Variants in MDGA2 observed in about 807,000 individuals in gnomAD.
MDGA2 encodes the protein MAM domain containing glycosylphosphatidylinositol anchor 2, also known as MAM domain-containing glycosylphosphatidylinositol anchor protein 2.
A neutral mutation model predicts 117.8 loss-of-function variants in MDGA2; 40 were observed. That is an observed-to-expected ratio of 0.34 (90% CI 0.26 to 0.44). The LOEUF is 0.44. Ranked by LOEUF, MDGA2 falls within the 20% of genes least tolerant of loss-of-function variation. MDGA2 has a pLI of 1.00. For missense variants in MDGA2, 1,123 were observed against 1,250.6 expected (o/e 0.90, Z 1.54); for synonymous variants, 452 against 439.0 (o/e 1.03, Z -0.37).
chr14:47,097,640 C>G (rs546080577), intron 5 of MDGA2, among the ~76,000 whole-genome samples: 8 of 151,932 alleles, frequency 5.3e-5, no homozygotes, highest in African/African-American at 1.5e-4. Context: ...ATTCAGTGAG[C>G]CTGATTTTTG....
Position 47,563,577 on chromosome 14 carries a change from TG to T in MDGA2, c.280+110939del, listed in dbSNP as rs1445998490. 4.2e-3 allele frequency among the ~76,000 whole-genome samples: 280 copies of T among 66,252 alleles called. 4 individuals are homozygous for T. Among genetic ancestry groups the T allele is most frequent in the Non-Finnish European group, 6.1e-3 (186 of 30,636 alleles). 43.5% of individuals were successfully genotyped at this position (66,252 alleles called of 152,430 possible). ...TAGAATAGCAACCCCTGCTTTTTTC[TG>T]TTTTTTTTTTTTTTTTTTTTTTTTT... On this transcript the variant is annotated intron_variant, in intron 1 of 16. Transcript: ENST00000399232.
rs1422734143 is a variant in MDGA2 at position 47,282,706 on chromosome 14, AAC to A, written c.420+18703_420+18704del. Among the ~76,000 whole-genome samples the A allele has an allele frequency of 8.6e-4, 128 of 149,052 alleles. 2 individuals are homozygous for A. The highest frequency in any genetic ancestry group is 2.9e-3 in the African/African-American group (118 of 41,132). On this transcript the variant is annotated intron_variant, in intron 2 of 16. Transcript: ENST00000399232. ...AGCAAGAATGTGTCTCAAAAAAAAA[AAC>A]AAAAAACAAAAAACAAAAAACAGGT... is the stretch of plus-strand genomic sequence containing the variant.
At chr14:47,251,951 A>ATTATTG (rs1887461878) in intron 2 of MDGA2, among the ~76,000 whole-genome samples, 1 of 151,774 alleles carries the variant, frequency 6.6e-6, no homozygotes, top group Non-Finnish European at 1.5e-5. Context: ...TATTATTATT[A>ATTATTG]TTATTGGTGG....
intron 3 of MDGA2, among the ~76,000 whole-genome samples, chr14:47,217,225 A>C (rs1342472169): frequency 6.6e-6 from 1 of 152,108 alleles, no homozygotes; most frequent in Admixed American, 6.6e-5. Context: ...CTTATGTCTA[A>C]ATTACTTTAA....
chr14:47,036,350 G>T (rs1008717854), intron 7 of MDGA2, among the ~76,000 whole-genome samples: 12 of 151,106 alleles, frequency 7.9e-5, no homozygotes, highest in African/African-American at 2.9e-4. Context: ...ATATTTATGA[G>T]AAGTTAGATT....
At chr14:46,902,415 A>G (rs1482607100) in intron 10 of MDGA2, among the ~76,000 whole-genome samples, 1 of 152,144 alleles carries the variant, frequency 6.6e-6, no homozygotes, top group Non-Finnish European at 1.5e-5. Context: ...AATTATATAC[A>G]GTAGGTACTT....
At chr14:46,995,100 G>T (rs908952914) in intron 8 of MDGA2, among the ~76,000 whole-genome samples, 10 of 152,154 alleles carry the variant, frequency 6.6e-5, no homozygotes, top group Non-Finnish European at 1.3e-4. Context: ...TCTCTGATCA[G>T]AGATGGCGAT....
rs762826564 is a variant in MDGA2 at position 46,840,934 on chromosome 14, G to A, written c.*997C>T. ...TAGGAGGTTAAACAACAAATATCTTGTCTGCATGGGCTTACGCAGCAGCTT... is the reference window on the plus strand; with the variant it reads ...TAGGAGGTTAAACAACAAATATCTTATCTGCATGGGCTTACGCAGCAGCTT... On this transcript the variant is annotated 3_prime_UTR_variant, in exon 17 of 17. Coordinates refer to ENST00000399232, the MANE Select transcript of MDGA2 (RefSeq NM_001113498.3). 6 of 152,554 alleles carry A rather than the reference G, an allele frequency of 3.9e-5. No homozygotes were observed. The highest frequency in any genetic ancestry group is 8.8e-5 in the Non-Finnish European group (6 of 68,020). 9.5% of individuals were successfully genotyped at this position (152,554 alleles called of 1,614,324 possible). A position where few individuals can be genotyped will look rare whatever the true frequency, so the allele number is the denominator to read the frequency against.
intron 1 of MDGA2, among the ~76,000 whole-genome samples, chr14:47,644,075 A>G (rs1454876685): frequency 6.6e-6 from 1 of 152,170 alleles, no homozygotes; most frequent in East Asian, 1.9e-4. Flanking sequence ...AGATATATAA[A>G]GATATGTTTT....
chr14:47,396,099 A>G (rs777833657), intron 1 of MDGA2, among the ~76,000 whole-genome samples: 9 of 152,182 alleles, frequency 5.9e-5, no homozygotes, highest in Non-Finnish European at 1.0e-4. Context: ...GCACAAATCA[A>G]TTTTCAATAA....
chr14:47,399,102 G>C (rs1892077533), intron 1 of MDGA2, among the ~76,000 whole-genome samples: 1 of 152,050 alleles, frequency 6.6e-6, no homozygotes, highest in Non-Finnish European at 1.5e-5. Context: ...AGAAAACCAG[G>C]TTTTTGGTAA....
intron 1 of MDGA2, among the ~76,000 whole-genome samples, chr14:47,386,122 A>G (rs1891751528): frequency 6.6e-6 from 1 of 152,064 alleles, no homozygotes; most frequent in African/African-American, 2.4e-5. Flanking sequence ...TCTCTACTAG[A>G]AATACAAAAA....
chr14:47,628,224 T>C (rs897450240), intron 1 of MDGA2, among the ~76,000 whole-genome samples: 58 of 152,240 alleles, frequency 3.8e-4, no homozygotes, highest in African/African-American at 1.3e-3. Flanking sequence ...CATCCATTTT[T>C]ATGCAAATTG....
rs1317504187 is a variant in MDGA2, at chr14:47,227,217, CAG to C, written c.421-9024_421-9023del. Among the ~76,000 whole-genome samples, 90 of 152,198 alleles carry C rather than the reference CAG, an allele frequency of 5.9e-4. 1 individual carries two copies. The highest frequency in any genetic ancestry group is 3.9e-4 in the East Asian group (2 of 5,162). On this transcript the variant is annotated intron_variant, in intron 2 of 16. Coordinates refer to ENST00000399232, the MANE Select transcript of MDGA2 (RefSeq NM_001113498.3). ...CTCATGAAATAAGGTACTAGGGATT[CAG>C]AGTTACTTGCACTCAGAGGGAAAGC...
At chr14:47,379,284 T>G (rs1051128768) in intron 1 of MDGA2, among the ~76,000 whole-genome samples, 2 of 152,126 alleles carry the variant, frequency 1.3e-5, no homozygotes, top group African/African-American at 4.8e-5. Context: ...AGACCATCGA[T>G]GCTAGGAAGA....
rs762117148 is a variant in MDGA2, at chr14:47,061,338, G to A, written c.1436C>T (p.Thr479Met). 2.5e-6 allele frequency: 4 copies of A among 1,613,422 alleles called. No individual in the cohort carries two copies. Among genetic ancestry groups the A allele is most frequent in the Non-Finnish European group, 3.4e-6 (4 of 1,179,628 alleles). Residue 479 changes from threonine (T) to methionine (M), a missense_variant, in exon 7 of 17, where the codon ACG becomes ATG. Physicochemically the swap from Thr to Met is moderately conservative, Grantham distance 81. Coordinates refer to ENST00000399232, the MANE Select transcript of MDGA2 (RefSeq NM_001113498.3). ...TACACATGTGTACGTCCCAAAATCCGTGAATTTTAAATCAATGATGTCCAA... is the reference window on the plus strand; with the variant it reads ...TACACATGTGTACGTCCCAAAATCCATGAATTTTAAATCAATGATGTCCAA... ...TNLDIIDLKFTDFGTYTCVAS... is the reference protein window; with the variant it reads ...TNLDIIDLKFMDFGTYTCVAS...
Position 47,575,286 on chromosome 14 carries a change from A to C in MDGA2, c.280+99231T>G, listed in dbSNP as rs144985217. Among the ~76,000 whole-genome samples, 561 of 152,318 alleles carry C rather than the reference A, an allele frequency of 3.7e-3. 3 individuals carry two copies. Among genetic ancestry groups the C allele is most frequent in the African/African-American group, 0.013 (523 of 41,572 alleles). On this transcript the variant is annotated intron_variant, in intron 1 of 16. Coordinates refer to ENST00000399232, the MANE Select transcript of MDGA2 (RefSeq NM_001113498.3). ...TACAGTGAAGAGTAATTTCCTTTTA[A>C]ATACTGATGATATGATTTTCATCAT...
chr14:47,398,244 T>C (rs2138453396), intron 1 of MDGA2, among the ~76,000 whole-genome samples: 1 of 152,266 alleles, frequency 6.6e-6, no homozygotes, highest in Non-Finnish European at 1.5e-5. Context: ...CCCAGGTTAC[T>C]TATAACTCAA....
intron 1 of MDGA2, among the ~76,000 whole-genome samples, chr14:47,648,148 A>G (rs1198676133): frequency 6.6e-6 from 1 of 152,090 alleles, no homozygotes; most frequent in Non-Finnish European, 1.5e-5. Flanking sequence ...ATACTGTGCC[A>G]TTTTATATTG....
Sources: allele counts gnomAD v4.1 joint callset (sites outside exome capture counted in the v4.1 genomes callset), GRCh38; gene constraint gnomAD v4.1.1; transcripts MANE v1.5; gene names NCBI Gene and HGNC (gene_info 2026-07-23, HGNC 2026-07-21).